The following PDSS2 variants were observed in gnomAD, a reference collection of about 807,000 sequenced individuals.
PDSS2 encodes decaprenyl diphosphate synthase subunit 2, also known as all trans-polyprenyl-diphosphate synthase PDSS2.
Under a neutral mutation model 44.5 loss-of-function variants are expected in PDSS2, and 31 were observed. The observed-to-expected ratio is 0.70, with a 90% CI of 0.52 to 0.94. The LOEUF (loss-of-function observed/expected upper bound fraction) is 0.94. Ranked by LOEUF, PDSS2 falls within the 40% of genes least tolerant of loss-of-function variation. The pLI is 0.00. For synonymous variants in PDSS2, 157 were observed against 180.3 expected (o/e 0.87, Z 1.03); for missense variants, 452 against 482.2 (o/e 0.94, Z 0.59).
chr6:107,287,800 C>A (rs1213906396), intron 2 of PDSS2, among the ~76,000 whole-genome samples: 1 of 152,116 alleles, frequency 6.6e-6, no homozygotes, highest in Non-Finnish European at 1.5e-5. Flanking sequence ...GGATCACAGG[C>A]GTGAGCCACT....
At chr6:107,228,483 C>T (rs1394492672) in intron 4 of PDSS2, among the ~76,000 whole-genome samples, 1 of 152,114 alleles carries the variant, frequency 6.6e-6, no homozygotes, top group African/African-American at 2.4e-5. Context: ...CACCTGAGGC[C>T]AGGAGTTCGA....
intron 2 of PDSS2, among the ~76,000 whole-genome samples, chr6:107,288,976 T>C (rs2115011736): frequency 6.8e-6 from 1 of 146,122 alleles, no homozygotes; most frequent in South Asian, 2.4e-4. Flanking sequence ...GCCAGGCTGG[T>C]CTCGAACTGC....
intron 1 of PDSS2, among the ~76,000 whole-genome samples, chr6:107,335,047 G>A (rs1777839782): frequency 6.6e-6 from 1 of 151,858 alleles, no homozygotes; most frequent in Non-Finnish European, 1.5e-5. Flanking sequence ...AGCTACTCAG[G>A]AGGCTGACGA....
At chr6:107,370,255 A>G (rs373151104) in intron 1 of PDSS2, among the ~76,000 whole-genome samples, 11 of 152,322 alleles carry the variant, frequency 7.2e-5, no homozygotes, top group African/African-American at 2.6e-4. Flanking sequence ...TTTAGCACAA[A>G]CTACTCGCAA....
intron 2 of PDSS2, among the ~76,000 whole-genome samples, chr6:107,290,533 C>A (rs185971909): frequency 6.6e-6 from 1 of 152,138 alleles, no homozygotes; most frequent in Non-Finnish European, 1.5e-5. Context: ...CTCCACCCCC[C>A]GCCTCTCTGA....
chr6:107,277,529 A>C (rs940281226), intron 2 of PDSS2, among the ~76,000 whole-genome samples: 1 of 152,238 alleles, frequency 6.6e-6, no homozygotes, highest in East Asian at 1.9e-4. Flanking sequence ...AAGGTGATAC[A>C]TAGAAAAATC....
rs535409469 is a variant in PDSS2, at chr6:107,302,768, C to T, written c.432-28541G>A. On this transcript the variant is annotated intron_variant, in intron 2 of 7. Coordinates refer to ENST00000369037, the MANE Select transcript of PDSS2 (RefSeq NM_020381.4). ...TATAAAAGTATATCAATATGATAGCCGTCAACTGCATGTAGCTACTAAGCC... is the reference window on the plus strand; with the variant it reads ...TATAAAAGTATATCAATATGATAGCTGTCAACTGCATGTAGCTACTAAGCC... 2.3e-3 allele frequency among the ~76,000 whole-genome samples: 342 copies of T among 151,002 alleles called. 2 individuals are homozygous for T. The highest frequency in any genetic ancestry group is 7.4e-3 in the Admixed American group (112 of 15,160).
At chr6:107,254,980 C>T (rs1376893794) in intron 3 of PDSS2, among the ~76,000 whole-genome samples, 1 of 151,734 alleles carries the variant, frequency 6.6e-6, no homozygotes, top group Admixed American at 6.6e-5. Flanking sequence ...TCTCCTGCCT[C>T]AGCCTCCCGA....
rs73763759 is a variant in PDSS2, at chr6:107,220,986, A to T, written c.703-8704T>A. Among the ~76,000 whole-genome samples, 945 of 152,370 alleles carry T rather than the reference A, an allele frequency of 6.2e-3. 8 individuals carry two copies. Among genetic ancestry groups the T allele is most frequent in the African/African-American group, 0.021 (892 of 41,594 alleles). Reference sequence around the variant, plus strand: ...TAACCACATCCAAATCAGTACCTTCAGATACCAGATATACAGAATTGTGAA... The same window carrying T: ...TAACCACATCCAAATCAGTACCTTCTGATACCAGATATACAGAATTGTGAA... On this transcript the variant is annotated intron_variant, in intron 4 of 7. Transcript: ENST00000369037.
chr6:107,223,559 A>C (rs1009311928), intron 4 of PDSS2, among the ~76,000 whole-genome samples: 1 of 150,716 alleles, frequency 6.6e-6, no homozygotes, highest in African/African-American at 2.5e-5. Context: ...CAAACAAACA[A>C]AAACTAGTTG....
At chr6:107,356,156 T>C (rs918557406) in intron 1 of PDSS2, among the ~76,000 whole-genome samples, 1 of 152,212 alleles carries the variant, frequency 6.6e-6, no homozygotes, top group Non-Finnish European at 1.5e-5. Context: ...CCAAATAATA[T>C]TTAGCTTTTG....
At chr6:107,409,829 A>G (rs949857933) in intron 1 of PDSS2, among the ~76,000 whole-genome samples, 2 of 152,206 alleles carry the variant, frequency 1.3e-5, no homozygotes, top group South Asian at 4.1e-4. Context: ...TTCTCAATGA[A>G]GAATGTACCA....
chr6:107,331,951 G>A (rs532972662), intron 2 of PDSS2, among the ~76,000 whole-genome samples: 3 of 152,080 alleles, frequency 2.0e-5, no homozygotes, highest in East Asian at 1.9e-4. Flanking sequence ...ATTCCTAACC[G>A]AAAACAGAGA....
chr6:107,217,705 T>C (rs1773459908), intron 4 of PDSS2, among the ~76,000 whole-genome samples: 1 of 152,204 alleles, frequency 6.6e-6, no homozygotes, highest in South Asian at 2.1e-4. Flanking sequence ...AGGAATCCCA[T>C]GTCCAGGAAT....
At chr6:107,168,162 T>C (rs1194626080) in intron 7 of PDSS2, among the ~76,000 whole-genome samples, 6 of 152,250 alleles carry the variant, frequency 3.9e-5, no homozygotes, top group Non-Finnish European at 8.8e-5. Flanking sequence ...TGGGTGCTCC[T>C]GTATTGGGTG....
intron 1 of PDSS2, among the ~76,000 whole-genome samples, chr6:107,457,319 T>C (rs1484847196): frequency 1.3e-5 from 2 of 152,212 alleles, no homozygotes; most frequent in African/African-American, 2.4e-5. Context: ...GATGTTACCA[T>C]TGGGAGAAAC....
At chr6:107,330,855 G>A (rs758973034) in intron 2 of PDSS2, among the ~76,000 whole-genome samples, 2 of 152,132 alleles carry the variant, frequency 1.3e-5, no homozygotes, top group Non-Finnish European at 2.9e-5. Context: ...TTTCTTGCCC[G>A]ATTTTCAAAA....
chr6:107,448,232 C>T (rs1376069005), intron 1 of PDSS2, among the ~76,000 whole-genome samples: 1 of 152,236 alleles, frequency 6.6e-6, no homozygotes, highest in Non-Finnish European at 1.5e-5. Context: ...CTCCTCATTA[C>T]TTATGCAAAT....
intron 1 of PDSS2, among the ~76,000 whole-genome samples, chr6:107,400,178 T>A (rs904027786): frequency 4.6e-5 from 7 of 151,898 alleles, no homozygotes; most frequent in Non-Finnish European, 1.0e-4. Context: ...GTGGAGAGAC[T>A]GTGAGAAGGA....
Sources: allele counts gnomAD v4.1 joint callset (sites outside exome capture counted in the v4.1 genomes callset), GRCh38; gene constraint gnomAD v4.1.1; transcripts MANE v1.5; gene names NCBI Gene and HGNC (gene_info 2026-07-23, HGNC 2026-07-21).